The following SGO1 variants were observed in gnomAD, a reference collection of about 807,000 sequenced individuals.
SGO1 encodes serologically defined breast cancer antigen NY-BR-85.
In SGO1, 39 loss-of-function variants were observed where a neutral mutation model predicts 50.5. The observed-to-expected ratio is 0.77, with a 90% confidence interval of 0.60 to 1.01. SGO1 has a LOEUF of 1.01. SGO1 is among the 50% of genes least tolerant of loss of function. The probability of loss-of-function intolerance (pLI) is 0.00; values close to 1 mark genes in which losing one functional copy is unlikely to be tolerated. For synonymous variants in SGO1, 191 were observed against 205.1 expected, an observed-to-expected ratio of 0.93 and a Z score of 0.59; for missense variants, 638 against 606.0, an observed-to-expected ratio of 1.05 and a Z score of -0.55.
chr3:20,169,493 C>A lies in SGO1; in HGVS notation c.*1211G>T. On this transcript the variant is annotated 3_prime_UTR_variant, in exon 8 of 8. Coordinates refer to ENST00000412997, the MANE Select transcript of SGO1 (RefSeq NM_001199251.3). ...GAAGGAAAGCAATCACTATCTTATA[C>A]AAACTTTATTGCTCTTTAAAAATGA... 2.0e-6 allele frequency: 2 copies of A among 979,850 alleles called. No individual in the cohort carries two copies. Among genetic ancestry groups the A allele is most frequent in the Non-Finnish European group, 2.4e-6 (2 of 824,840 alleles). 60.7% of individuals were successfully genotyped at this position (979,850 alleles called of 1,614,324 possible).
chr3:20,174,778 G>C lies in SGO1; in HGVS notation c.753C>G (p.Asp251Glu). The C allele has an allele frequency of 1.2e-6, 2 of 1,613,944 alleles. No individual in the cohort carries two copies. The highest frequency in any genetic ancestry group is 1.7e-6 in the Non-Finnish European group (2 of 1,179,982). The change falls in exon 6 of 8, where the codon GAC (aspartate) becomes GAG (glutamate). Residue 251 changes from aspartate to glutamate, a missense_variant. Transcript: ENST00000412997. ...VQHNACQWSK[D>E]QVNLSPKLIQ... ...TCAGCTTTGGTGATAAGTTAACTTGGTCCTTGCTCCATTGACAAGCATTGT... is the reference window on the plus strand; with the variant it reads ...TCAGCTTTGGTGATAAGTTAACTTGCTCCTTGCTCCATTGACAAGCATTGT...
At chr3:20,180,235 C>T (rs1701853491) in intron 3 of SGO1, among the ~76,000 whole-genome samples, 1 of 152,040 alleles carries the variant, frequency 6.6e-6, no homozygotes, top group Admixed American at 6.6e-5. Context: ...TGCAGTAAGC[C>T]ATGATATGCC....
At chr3:20,184,926 C>CAAA (rs60350092) in intron 1 of SGO1, among the ~76,000 whole-genome samples, 18,845 of 149,748 alleles carry the variant, frequency 0.13, 1,414 homozygotes, top group Admixed American at 0.17. Flanking sequence ...CTTAAAATTG[C>CAAA]AAAAAAAAAA....
chr3:20,161,508 A>G (rs1700038189), intron 8 of SGO1, among the ~76,000 whole-genome samples: 1 of 152,228 alleles, frequency 6.6e-6, no homozygotes, highest in Non-Finnish European at 1.5e-5. Context: ...ACGAAATGAT[A>G]TGGAAAGAAT....
At chr3:20,161,286 T>C in intron 8 of SGO1, 1 of 1,413,000 alleles carries the variant, frequency 7.1e-7, no homozygotes, top group Non-Finnish European at 9.3e-7. Flanking sequence ...AGTCCACAGA[T>C]TTTATTCAGA....
At chr3:20,168,458 C>T (rs1300691433), downstream of SGO1, among the ~76,000 whole-genome samples, 2 of 138,698 alleles carry the variant, frequency 1.4e-5, no homozygotes, top group South Asian at 2.4e-4. Context: ...TATTTAAAAA[C>T]GTAAAAACTA....
intron 3 of SGO1, among the ~76,000 whole-genome samples, chr3:20,181,874 C>T (rs1401885357): frequency 6.6e-6 from 1 of 152,076 alleles, no homozygotes; most frequent in Non-Finnish European, 1.5e-5. Context: ...CACTTGAGGC[C>T]AGGAGTTCGA....
intron 8 of SGO1, among the ~76,000 whole-genome samples, chr3:20,164,468 C>T (rs1700194590): frequency 6.6e-6 from 1 of 152,112 alleles, no homozygotes; most frequent in African/African-American, 2.4e-5. Context: ...TGATCACTTA[C>T]AGCTAATATC....
chr3:20,178,333 A>G lies in SGO1; in HGVS notation c.354T>C (p.Cys118=). The change falls in exon 4 of 8, where the codon TGT becomes TGC. Residue 118 remains cysteine (C), a synonymous_variant. Transcript: ENST00000412997. ...CACTATTGGGGTCCATTCCAGAGGA[A>G]CATATTTCCTGGTTCTGTTAATGTA... is the stretch of plus-strand genomic sequence containing the variant. ...TVEPAQNQEI[C]SSGMDPNSDD... is the part of the protein sequence containing the mutation. 1 of 1,611,654 alleles carries G rather than the reference A, an allele frequency of 6.2e-7. No individual in the cohort carries two copies. Among genetic ancestry groups the G allele is most frequent in the Non-Finnish European group, 8.5e-7 (1 of 1,177,930 alleles).
Position 20,174,321 on chromosome 3 carries a change from GA to G in SGO1, c.1209del (p.Leu404Ter), listed in dbSNP as rs1213006039. On this transcript the variant is annotated frameshift_variant, in exon 6 of 8. Transcript: ENST00000412997. LOFTEE classifies it high-confidence loss of function. ...TSNSDRPVTRPLAKRALKYTD... is the reference protein window; with the variant it reads ...TSNSDRPVTRXLAKRALKYTD... ...GTGTATTTCAGTGCTCTTTTAGCTA[GA>G]GGCCTGGTGACTGGTCTATCTGAAT... is the stretch of plus-strand genomic sequence containing the variant. 5 of 1,614,044 alleles carry G rather than the reference GA, an allele frequency of 3.1e-6. No individual in the cohort carries two copies. Among genetic ancestry groups the G allele is most frequent in the African/African-American group, 1.3e-5 (1 of 74,902 alleles).
downstream of SGO1, among the ~76,000 whole-genome samples, chr3:20,166,049 T>C (rs1700283464): frequency 2.0e-5 from 3 of 151,948 alleles, no homozygotes; most frequent in Admixed American, 2.0e-4. Flanking sequence ...CGAGACTCCA[T>C]CTCAAACAAA....
In SGO1 at chr3:20,176,581, T is replaced by G; in HGVS notation, c.475+20A>C. 6.7e-7 allele frequency: 1 copy of G among 1,489,942 alleles called. No homozygotes were observed. The highest frequency in any genetic ancestry group is 9.1e-7 in the Non-Finnish European group (1 of 1,095,298). The allele number at this position is 1,489,942 out of a possible 1,614,324, so 92.3% of individuals were successfully genotyped here. ...CTTATTTTGCCCTTAATAATATTTT[T>G]AGATTTTCACTTGAATTACCTTCTA... On this transcript the variant is annotated intron_variant, in intron 5 of 7. Transcript: ENST00000412997.
Position 20,169,503 on chromosome 3 carries a change from T to G in SGO1, c.*1201A>C. On this transcript the variant is annotated 3_prime_UTR_variant, in exon 8 of 8. Transcript: ENST00000412997. Reference sequence around the variant, plus strand: ...AATCACTATCTTATACAAACTTTATTGCTCTTTAAAAATGAATAACCTACA... The same window carrying G: ...AATCACTATCTTATACAAACTTTATGGCTCTTTAAAAATGAATAACCTACA... 1.0e-6 allele frequency: 1 copy of G among 980,222 alleles called. No homozygotes were observed. The highest frequency in any genetic ancestry group is 1.2e-6 in the Non-Finnish European group (1 of 825,136). The allele number at this position is 980,222 out of a possible 1,614,324, so 60.7% of individuals were successfully genotyped here. A position where few individuals can be genotyped will look rare whatever the true frequency, so the allele number is the denominator to read the frequency against.
chr3:20,186,609 C>A (rs1478734247), upstream of SGO1: 1 of 152,210 alleles, frequency 6.6e-6, no homozygotes, highest in Non-Finnish European at 1.5e-5. Flanking sequence ...ACGGAAGCAG[C>A]TTTTAGAGGA....
downstream of SGO1, among the ~76,000 whole-genome samples, chr3:20,167,822 T>C (rs115858560): frequency 5.3e-5 from 8 of 152,294 alleles, no homozygotes; most frequent in Non-Finnish European, 1.2e-4. Context: ...GCAACTCCAC[T>C]TCTAGGTATT....
chr3:20,186,342 C>T (rs1702673070), upstream of SGO1: 1 of 152,362 alleles, frequency 6.6e-6, no homozygotes, highest in African/African-American at 2.4e-5. Context: ...CTCAAGTCCA[C>T]ATCCGGGCAT....
At chr3:20,161,011 C>T in exon 9 of SGO1, 1 of 1,569,628 alleles carries the variant, frequency 6.4e-7, no homozygotes, top group Non-Finnish European at 8.7e-7. Flanking sequence ...CCATCTCTCC[C>T]CCAACACATA....
At position 20,176,594 on chromosome 3, in the gene SGO1, G is replaced by A; in HGVS notation, c.475+7C>T. ...TAATAATATTTTTAGATTTTCACTT[G>A]AATTACCTTCTATTTGAAATGATTC... On this transcript the variant is annotated splice_region_variant and intron_variant, in intron 5 of 7. Coordinates refer to ENST00000412997, the MANE Select transcript of SGO1 (RefSeq NM_001199251.3). The A allele has an allele frequency of 1.3e-6, 2 of 1,541,646 alleles. No homozygotes were observed. Among genetic ancestry groups the A allele is most frequent in the Non-Finnish European group, 1.8e-6 (2 of 1,141,838 alleles).
chr3:20,175,072 TAA>T lies in SGO1; in HGVS notation c.476-19_476-18del, dbSNP rs1701232779. On this transcript the variant is annotated intron_variant, in intron 5 of 7. Transcript: ENST00000412997. Reference sequence around the variant, plus strand: ...GTATCTGATCTGAGAATTTAAAAAATAAATGAGAAAAGTAGTTTTACTTTGTG... The same window carrying T: ...GTATCTGATCTGAGAATTTAAAAAATATGAGAAAAGTAGTTTTACTTTGTG... 2.2e-6 allele frequency: 3 copies of T among 1,390,026 alleles called. No individual in the cohort carries two copies. Among genetic ancestry groups the T allele is most frequent in the Non-Finnish European group, 2.8e-6 (3 of 1,064,408 alleles). 86.1% of individuals were successfully genotyped at this position (1,390,026 alleles called of 1,614,324 possible).
Sources: gnomAD v4.1 joint callset for allele counts (sites outside exome capture counted in the v4.1 genomes callset) on GRCh38, gnomAD v4.1.1 for gene constraint, MANE v1.5 for transcripts, NCBI Gene and HGNC (gene_info 2026-07-23, HGNC 2026-07-21) for gene names.